The following ZNF461 variants were observed in gnomAD, a reference collection of about 807,000 sequenced individuals.
ZNF461 encodes the protein zinc finger protein 461.
Under a neutral mutation model 18.3 loss-of-function variants are expected in ZNF461, and 16 were observed. The ratio of observed to expected loss-of-function variants is 0.88; its 90% CI spans 0.59 to 1.33. The LOEUF (loss-of-function observed/expected upper bound fraction) is 1.33, where lower values mean the gene tolerates loss of function less well. Among genes scored for constraint, ZNF461 ranks in the 40% most tolerant of loss-of-function variants. ZNF461 has a pLI of 0.00. For missense variants in ZNF461, 595 were observed against 669.9 expected (o/e 0.89, Z 1.23); for synonymous variants, 179 against 216.9 (o/e 0.83, Z 1.54).
intron 5 of ZNF461, 125 bp from the exon 6 acceptor site, chr19:36,640,168 T>A: frequency 2.5e-6 from 2 of 810,300 alleles, no homozygotes; most frequent in Non-Finnish European, 3.7e-6. Flanking sequence ...GGAGAACTCT[T>A]AAATGGGTAA....
Position 36,652,735 on chromosome 19 carries a change from G to A in ZNF461, c.232+3713C>T, listed in dbSNP as rs147189140. On this transcript the variant is annotated intron_variant, in intron 4 of 5. Transcript: ENST00000588268. ...AAGACAAATTACAGGGCAACCCGCT[G>A]GGGTCCCCTTCCATGCTGTGGAAGC... 3.8e-4 allele frequency among the ~76,000 whole-genome samples: 58 copies of A among 152,170 alleles called. No individual in the cohort carries two copies. The East Asian group carries it at 9.5e-3, about 25-fold the overall frequency.
At chr19:36,649,190 A>T (rs1325519110) in intron 4 of ZNF461, among the ~76,000 whole-genome samples, 2 of 152,218 alleles carry the variant, frequency 1.3e-5, no homozygotes, top group Non-Finnish European at 2.9e-5. Flanking sequence ...CCAAAATCTG[A>T]AGGAGAAAAG....
intron 3 of ZNF461, among the ~76,000 whole-genome samples, chr19:36,656,816 T>G (rs2037729518): frequency 6.6e-6 from 1 of 151,864 alleles, no homozygotes; most frequent in Non-Finnish European, 1.5e-5. Context: ...TCTTGAGATA[T>G]TTATTCTTTT....
chr19:36,665,619 G>A (rs948292671), intron 1 of ZNF461, among the ~76,000 whole-genome samples: 6 of 143,656 alleles, frequency 4.2e-5, no homozygotes, highest in African/African-American at 1.6e-4. Context: ...TGAGGCAGGA[G>A]AACTGCTTAA....
At chr19:36,664,449 G>C (rs1024887598) in intron 2 of ZNF461, among the ~76,000 whole-genome samples, 1 of 152,130 alleles carries the variant, frequency 6.6e-6, no homozygotes, top group African/African-American at 2.4e-5. Context: ...TTAGCTGGGT[G>C]TGGTGGCACG....
chr19:36,651,074 A>G (rs1355292075), intron 4 of ZNF461, among the ~76,000 whole-genome samples: 1 of 151,606 alleles, frequency 6.6e-6, no homozygotes, highest in African/African-American at 2.4e-5. Context: ...AACTAAAAAT[A>G]CAAAAAATTA....
rs76577579 is a variant in ZNF461 at position 36,646,416 on chromosome 19, G to A, written c.233-2554C>T. 5.5e-3 allele frequency among the ~76,000 whole-genome samples: 840 copies of A among 152,268 alleles called. 23 individuals carry two copies. Among genetic ancestry groups the A allele is most frequent in the Admixed American group, 0.037 (567 of 15,286 alleles). On this transcript the variant is annotated intron_variant, in intron 4 of 5. Coordinates refer to ENST00000588268, the MANE Select transcript of ZNF461 (RefSeq NM_153257.5). ...CAAAGTGCTAGGATTAGAGGTATGA[G>A]CTGCCACACCTGGTCAAAATTAGAC...
At chr19:36,660,693 G>T in intron 2 of ZNF461, among the ~76,000 whole-genome samples, 1 of 142,102 alleles carries the variant, frequency 7.0e-6, no homozygotes, top group African/African-American at 2.6e-5. Flanking sequence ...TGAAATAGTT[G>T]ATTTTTTTAA....
rs754340158 is a variant in ZNF461 at position 36,643,714 on chromosome 19, A to G, written c.301+80T>C. On this transcript the variant is annotated intron_variant, in intron 5 of 5. Transcript: ENST00000588268. ...GTTTCTAGAGTAGTAGGTTTGGGGA[A>G]TAAACATGTACTTTCAGAAATTAGC... The G allele has an allele frequency of 7.3e-4, 990 of 1,350,726 alleles. 3 individuals are homozygous for G. Among genetic ancestry groups the G allele is most frequent in the Non-Finnish European group, 8.5e-4 (882 of 1,038,018 alleles). 83.7% of individuals were successfully genotyped at this position (1,350,726 alleles called of 1,614,324 possible). A position where few individuals can be genotyped will look rare whatever the true frequency, so the allele number is the denominator to read the frequency against.
At chr19:36,641,616 CA>C (rs1221028534) in intron 5 of ZNF461, among the ~76,000 whole-genome samples, 1 of 150,738 alleles carries the variant, frequency 6.6e-6, no homozygotes, top group East Asian at 1.9e-4. Context: ...ACTATAAAAA[CA>C]ACCTTTACAA....
intron 2 of ZNF461, among the ~76,000 whole-genome samples, chr19:36,659,713 A>ACCAC (rs1177941967): frequency 2.0e-5 from 3 of 152,318 alleles, no homozygotes; most frequent in Admixed American, 2.0e-4. Flanking sequence ...GTTATCATCC[A>ACCAC]CCACCTCTCC....
chr19:36,640,334 A>G (rs1381617273), intron 5 of ZNF461, among the ~76,000 whole-genome samples: 1 of 152,210 alleles, frequency 6.6e-6, no homozygotes, highest in East Asian at 1.9e-4. Context: ...TCAGAATCTA[A>G]GAGAGTTGGT....
rs557593381 is a variant in ZNF461 at position 36,637,901 on chromosome 19, G to A, written c.*752C>T. On this transcript the variant is annotated 3_prime_UTR_variant, in exon 6 of 6. Transcript: ENST00000588268. ...GGGAGAATTAATTTTCACATTTTTG[G>A]TAATTTTTGAATTTTTATAATGTGT... 8.3e-6 allele frequency: 3 copies of A among 361,426 alleles called. No homozygotes were observed. The highest frequency in any genetic ancestry group is 2.2e-5 in the African/African-American group (1 of 45,794). 22.4% of individuals were successfully genotyped at this position (361,426 alleles called of 1,614,324 possible). A position where few individuals can be genotyped will look rare whatever the true frequency, so the allele number is the denominator to read the frequency against.
intron 5 of ZNF461, among the ~76,000 whole-genome samples, chr19:36,642,840 C>T (rs746688963): frequency 2.6e-5 from 4 of 151,830 alleles, no homozygotes; most frequent in Non-Finnish European, 5.9e-5. Context: ...CTGCAACCTC[C>T]GCCTCCTGGG....
In ZNF461 at chr19:36,664,630, A is replaced by C. The variant is rs575597879; in HGVS notation, c.9+68T>G. The stretch of plus-strand genomic sequence containing the variant: ...AAGCAAATAGTCACATGCCCTATAC[A>C]AAAAAAACAAAAACAAACAAACAAA... On this transcript the variant is annotated intron_variant, in intron 2 of 5. Coordinates refer to ENST00000588268, the MANE Select transcript of ZNF461 (RefSeq NM_153257.5). 4 of 1,361,568 alleles carry C rather than the reference A, an allele frequency of 2.9e-6. No homozygotes were observed. The East Asian group carries it at 7.6e-5, about 26-fold the overall frequency. 84.3% of individuals were successfully genotyped at this position (1,361,568 alleles called of 1,614,324 possible). A position where few individuals can be genotyped will look rare whatever the true frequency, so the allele number is the denominator to read the frequency against.
chr19:36,658,226 A>G, intron 3 of ZNF461, 73 bp downstream of exon 3: 2 of 1,486,348 alleles, frequency 1.3e-6, no homozygotes, highest in South Asian at 2.6e-5. Flanking sequence ...GAAAGCAGAA[A>G]TTCCAAGAAG....
chr19:36,640,173 G>C (rs1370497284), intron 5 of ZNF461, 130 bp from the exon 6 acceptor site: 2 of 738,876 alleles, frequency 2.7e-6, no homozygotes, highest in Non-Finnish European at 4.1e-6. Flanking sequence ...ACTCTTAAAT[G>C]GGTAAAGGAG....
intron 2 of ZNF461, among the ~76,000 whole-genome samples, chr19:36,661,280 T>A (rs77022404): frequency 1.4e-5 from 2 of 145,610 alleles, no homozygotes; most frequent in East Asian, 2.0e-4. Flanking sequence ...CCAGTCTCTT[T>A]AAAAAAAAAA....
At chr19:36,641,632 A>G (rs1399308084) in intron 5 of ZNF461, among the ~76,000 whole-genome samples, 1 of 151,362 alleles carries the variant, frequency 6.6e-6, no homozygotes, top group Middle Eastern at 3.2e-3. Flanking sequence ...TTACAATATA[A>G]TAAGTATTCA....
Sources: gnomAD v4.1 joint callset for allele counts (sites outside exome capture counted in the v4.1 genomes callset) on GRCh38, gnomAD v4.1.1 for gene constraint, MANE v1.5 for transcripts, NCBI Gene and HGNC (gene_info 2026-07-23, HGNC 2026-07-21) for gene names.